INPP4A: variants seen among roughly 807,000 people sequenced by gnomAD.
INPP4A encodes the protein inositol polyphosphate-4-phosphatase, type I, 107kD.
Under a neutral mutation model 119.8 loss-of-function variants are expected in INPP4A, and 33 were observed. That is an observed-to-expected ratio of 0.28 (90% confidence interval 0.21 to 0.37). The LOEUF (loss-of-function observed/expected upper bound fraction) is 0.37, where lower values mean the gene tolerates loss of function less well. Among genes scored for constraint, INPP4A ranks in the 10% least tolerant of loss-of-function variants. The pLI is 1.00. For missense variants in INPP4A, 956 were observed against 1,289.9 expected, an observed-to-expected ratio of 0.74 and a Z score of 3.97; for synonymous variants, 496 against 500.7, an observed-to-expected ratio of 0.99 and a Z score of 0.12.
In INPP4A at chr2:98,554,578, C is replaced by A; in HGVS notation, c.1566+89C>A. 2 of 1,166,122 alleles carry A rather than the reference C, an allele frequency of 1.7e-6. No homozygotes were observed. The highest frequency in any genetic ancestry group is 1.2e-6 in the Non-Finnish European group (1 of 813,846). 72.2% of individuals were successfully genotyped at this position (1,166,122 alleles called of 1,614,324 possible). A position where few individuals can be genotyped will look rare whatever the true frequency, so the allele number is the denominator to read the frequency against. On this transcript the variant is annotated intron_variant, in intron 15 of 24. Transcript: ENST00000409851. This position sits in a 1 kb window ranked among gnomAD's most constrained non-coding sequence, Gnocchi z 4.7. ...TGCCAGTCTCTGCCCCTCTGAAGTGCCTCAAGGTTCAACTGCTGTGAACAA... is the reference window on the plus strand; with the variant it reads ...TGCCAGTCTCTGCCCCTCTGAAGTGACTCAAGGTTCAACTGCTGTGAACAA...
At chr2:98,530,347 T>TAGACACTAAGTGTCTAA (rs1688985940) in intron 4 of INPP4A, among the ~76,000 whole-genome samples, 1 of 152,132 alleles carries the variant, frequency 6.6e-6, no homozygotes. Context: ...TTAGATGGAT[T>TAGACACTAAGTGTCTAA]AGACACTAAG....
chr2:98,465,139 C>T (rs1052081303), intron 1 of INPP4A, among the ~76,000 whole-genome samples: 4 of 152,188 alleles, frequency 2.6e-5, no homozygotes, highest in East Asian at 1.9e-4. Context: ...TGGCTTAAAG[C>T]GAAAGGAACT....
intron 10 of INPP4A, 115 bp downstream of exon 10, chr2:98,539,790 C>G: frequency 1.7e-5 from 17 of 1,029,338 alleles, no homozygotes; most frequent in Non-Finnish European, 2.3e-5. Flanking sequence ...CAAACACAGC[C>G]TCTCCCCCTG....
chr2:98,457,622 C>G (rs577071585), intron 1 of INPP4A, among the ~76,000 whole-genome samples: 1 of 152,282 alleles, frequency 6.6e-6, no homozygotes, highest in East Asian at 1.9e-4. Context: ...TGAATACAAA[C>G]AGTTGCTATT....
chr2:98,515,376 C>T (rs1488904216), intron 1 of INPP4A, among the ~76,000 whole-genome samples: 8 of 147,572 alleles, frequency 5.4e-5, no homozygotes. Context: ...AGAGCAGAGG[C>T]ACAGTGAAGC....
At position 98,591,075 on chromosome 2, in the gene INPP4A, G is replaced by T. The variant is rs1190709034; in HGVS notation, c.*3467G>T. 4.8e-6 allele frequency: 1 copy of T among 208,818 alleles called. No homozygotes were observed. Among genetic ancestry groups the T allele is most frequent in the South Asian group, 1.9e-4 (1 of 5,338 alleles). The allele number at this position is 208,818 out of a possible 1,614,324, so 12.9% of individuals were successfully genotyped here. A position where few individuals can be genotyped will look rare whatever the true frequency, so the allele number is the denominator to read the frequency against. ...TAACCTATTTGTCAGCTGTCTTTTG[G>T]TCTGTGGTAGGAGTTATACAGTATT... is the stretch of plus-strand genomic sequence containing the variant. On this transcript the variant is annotated 3_prime_UTR_variant, in exon 25 of 25. Transcript: ENST00000409851.
At chr2:98,567,932 T>C (rs1211713766) in intron 21 of INPP4A, among the ~76,000 whole-genome samples, 1 of 152,146 alleles carries the variant, frequency 6.6e-6, no homozygotes, top group African/African-American at 2.4e-5. Context: ...AGCAGGGATG[T>C]GTGAGACTGC....
chr2:98,464,979 TG>T (rs760735861), intron 1 of INPP4A, among the ~76,000 whole-genome samples: 7 of 152,206 alleles, frequency 4.6e-5, no homozygotes, highest in Non-Finnish European at 8.8e-5. Flanking sequence ...GAGGATGGGT[TG>T]GTGGCCCAGG....
At position 98,552,770 on chromosome 2, in the gene INPP4A, T is replaced by C. The variant is rs1354034426; in HGVS notation, c.1164-16T>C. The C allele has an allele frequency of 1.9e-6, 3 of 1,598,734 alleles. No individual in the cohort carries two copies. The highest frequency in any genetic ancestry group is 1.7e-4 in the Middle Eastern group (1 of 6,044). ...ATTCTGGAGAATCCCTTAGAATCCA[T>C]TCTTATCCTTTCCAGTACATCATCT... On this transcript the variant is annotated splice_polypyrimidine_tract_variant and intron_variant, in intron 13 of 24. Transcript: ENST00000409851.
In INPP4A at chr2:98,563,590, A is replaced by G; in HGVS notation, c.1981A>G (p.Thr661Ala). Residue 661 changes from threonine to alanine, a missense_variant, in exon 18 of 25, where the codon ACC becomes GCC. This residue lies in a region of INPP4A where 304 missense variants were observed against 492.1 expected (regional missense o/e 0.62). Coordinates refer to ENST00000409851, the MANE Select transcript of INPP4A (RefSeq NM_001134225.2). ...GCAGGACAGCGCGCCCACCATAGCCACCTACCTGAGCCTGCAGTACCGCCG... is the reference window on the plus strand; with the variant it reads ...GCAGGACAGCGCGCCCACCATAGCCGCCTACCTGAGCCTGCAGTACCGCCG... ...LMQDSAPTIA[T>A]YLSLQYRRDV... is the part of the protein sequence containing the mutation. 1 of 1,613,378 alleles carries G rather than the reference A, an allele frequency of 6.2e-7. No individual in the cohort carries two copies. Among genetic ancestry groups the G allele is most frequent in the Non-Finnish European group, 8.5e-7 (1 of 1,179,798 alleles).
intron 1 of INPP4A, among the ~76,000 whole-genome samples, chr2:98,458,006 A>G (rs1029840847): frequency 6.7e-6 from 1 of 148,150 alleles, no homozygotes; most frequent in African/African-American, 2.5e-5. Flanking sequence ...TTTTGTTTAA[A>G]TGAGGTCTTG....
chr2:98,451,556 C>T lies in INPP4A; in HGVS notation c.-166+6471C>T, dbSNP rs377150986. Reference sequence around the variant, plus strand: ...CCTGACCTCCGGTTGCTGCAGCGCCCCTCTTTTTGCACCTCACTAGGTGGT... The same window carrying T: ...CCTGACCTCCGGTTGCTGCAGCGCCTCTCTTTTTGCACCTCACTAGGTGGT... On this transcript the variant is annotated intron_variant, in intron 1 of 24. Coordinates refer to ENST00000409851, the MANE Select transcript of INPP4A (RefSeq NM_001134225.2). Among the ~76,000 whole-genome samples the T allele has an allele frequency of 4.4e-3, 664 of 152,182 alleles. 59 individuals are homozygous for T. The South Asian group carries it at 0.13, about 31-fold the overall frequency.
At position 98,565,734 on chromosome 2, in the gene INPP4A, C is replaced by T. The variant is rs756441754; in HGVS notation, c.2247C>T (p.Ser749=). 64 of 1,613,068 alleles carry T rather than the reference C, an allele frequency of 4.0e-5. No homozygotes were observed. Among genetic ancestry groups the T allele is most frequent in the Non-Finnish European group, 4.7e-5 (55 of 1,179,602 alleles). Residue 749 remains serine, a synonymous_variant, in exon 20 of 25, where the codon TCC becomes TCT. Coordinates refer to ENST00000409851, the MANE Select transcript of INPP4A (RefSeq NM_001134225.2). Reference sequence around the variant, plus strand: ...TCACTCAGGCCACTTCCAGCGCCTCCGCAGACATGCTGCCCGTCATCACAG... The same window carrying T: ...TCACTCAGGCCACTTCCAGCGCCTCTGCAGACATGCTGCCCGTCATCACAG... ...FKVTQATSSA[S]ADMLPVITGN...
chr2:98,467,795 A>G (rs774742236), intron 1 of INPP4A, among the ~76,000 whole-genome samples: 1 of 152,336 alleles, frequency 6.6e-6, no homozygotes, highest in Non-Finnish European at 1.5e-5. Context: ...TTGAATAGTT[A>G]TCTATTAGTT....
At chr2:98,489,518 C>T (rs3769724) in intron 1 of INPP4A, among the ~76,000 whole-genome samples, 36,348 of 151,814 alleles carry the variant, frequency 0.24, 4,487 homozygotes, top group Middle Eastern at 0.35. Flanking sequence ...TGCTGAGGCA[C>T]CAAGTGAGGG....
chr2:98,477,585 G>T (rs1292848286), intron 1 of INPP4A, among the ~76,000 whole-genome samples: 1 of 152,226 alleles, frequency 6.6e-6, no homozygotes, highest in Non-Finnish European at 1.5e-5. Context: ...CTCCTGCCCT[G>T]TATCTCCAGG....
At chr2:98,451,133 G>A (rs998523611) in intron 1 of INPP4A, among the ~76,000 whole-genome samples, 3 of 152,162 alleles carry the variant, frequency 2.0e-5, no homozygotes, top group Admixed American at 2.0e-4. Flanking sequence ...GGTGCAGTGT[G>A]CATGTCTCTT....
intron 4 of INPP4A, among the ~76,000 whole-genome samples, chr2:98,526,233 G>A (rs1206984762): frequency 3.3e-5 from 5 of 152,192 alleles, no homozygotes; most frequent in African/African-American, 9.7e-5. Flanking sequence ...GCAAAACTAG[G>A]AGATTTGTAC....
intron 1 of INPP4A, among the ~76,000 whole-genome samples, chr2:98,455,734 G>GA (rs1296981437): frequency 2.0e-5 from 3 of 152,216 alleles, no homozygotes; most frequent in Non-Finnish European, 2.9e-5. Context: ...TCTATTTAGG[G>GA]AAGTTGTTCT....
Sources: allele counts gnomAD v4.1 joint callset (sites outside exome capture counted in the v4.1 genomes callset), GRCh38; gene constraint gnomAD v4.1.1; regional missense constraint gnomAD v4.1.1; non-coding constraint Gnocchi (gnomAD v3.1); transcripts MANE v1.5; gene names NCBI Gene and HGNC (gene_info 2026-07-23, HGNC 2026-07-21).